Variants in EPB41L4B observed in about 807,000 individuals in gnomAD.
EPB41L4B encodes the protein erythrocyte membrane protein band 4.1 like 4B, also known as band 4.1-like protein 4B.
Under a neutral mutation model 112.5 loss-of-function variants are expected in EPB41L4B, and 30 were observed. That is an observed-to-expected ratio of 0.27 (90% confidence interval 0.20 to 0.36). The LOEUF is 0.36. Among genes scored for constraint, EPB41L4B ranks in the 10% least tolerant of loss-of-function variants. The pLI, the probability that EPB41L4B is intolerant of heterozygous loss-of-function variation, is 1.00. For missense variants in EPB41L4B, 1,024 were observed against 1,133.3 expected (o/e 0.90, Z 1.38); for synonymous variants, 408 against 439.7 (o/e 0.93, Z 0.90).
chr9:109,296,846 A>T (rs1258764071), intron 1 of EPB41L4B, among the ~76,000 whole-genome samples: 1 of 148,520 alleles, frequency 6.7e-6, no homozygotes, highest in East Asian at 2.0e-4. Context: ...CTATGATCAC[A>T]CCACTGCAGA....
chr9:109,285,379 T>A (rs555835174), intron 1 of EPB41L4B, among the ~76,000 whole-genome samples: 1 of 152,186 alleles, frequency 6.6e-6, no homozygotes, highest in South Asian at 2.1e-4. Context: ...CCTCCTGCCA[T>A]GCTAGATGCT....
chr9:109,192,427 G>T, intron 21 of EPB41L4B, 72 bp from the exon 22 acceptor site: 1 of 1,213,560 alleles, frequency 8.2e-7, no homozygotes, highest in South Asian at 1.4e-5. Flanking sequence ...AGAAAAGACA[G>T]GCAGAGGTTC....
chr9:109,270,861 G>C (rs530137367), intron 2 of EPB41L4B, among the ~76,000 whole-genome samples: 40 of 152,284 alleles, frequency 2.6e-4, no homozygotes, highest in African/African-American at 9.4e-4. Context: ...CATCACTTGA[G>C]GAACTTCGAA....
At chr9:109,214,819 G>A (rs1300572731) in intron 16 of EPB41L4B, among the ~76,000 whole-genome samples, 4 of 152,220 alleles carry the variant, frequency 2.6e-5, no homozygotes, top group Non-Finnish European at 5.9e-5. Context: ...ATCCCAGACA[G>A]TGAAGAGCTA....
intron 20 of EPB41L4B, among the ~76,000 whole-genome samples, chr9:109,195,822 T>C (rs1267458637): frequency 6.6e-6 from 1 of 152,220 alleles, no homozygotes. Flanking sequence ...CTGCCTAAAA[T>C]TGAAAAAGAC....
intron 15 of EPB41L4B, among the ~76,000 whole-genome samples, chr9:109,239,329 G>C (rs1834271598): frequency 6.6e-6 from 1 of 152,150 alleles, no homozygotes; most frequent in Non-Finnish European, 1.5e-5. Context: ...AAGTTTTGTG[G>C]GAGGAGGGTA....
intron 21 of EPB41L4B, 71 bp downstream of exon 21, chr9:109,194,149 G>A: frequency 6.6e-7 from 1 of 1,515,044 alleles, no homozygotes; most frequent in Non-Finnish European, 9.0e-7. Flanking sequence ...TGCACCAGAT[G>A]CTACTCAGTA....
intron 1 of EPB41L4B, among the ~76,000 whole-genome samples, chr9:109,301,857 C>T (rs1023597823): frequency 1.3e-5 from 2 of 152,176 alleles, no homozygotes; most frequent in Admixed American, 6.5e-5. Flanking sequence ...GAGCCATGGT[C>T]GCACCATTGT....
chr9:109,258,238 A>G lies in EPB41L4B; in HGVS notation c.691T>C (p.Phe231Leu), dbSNP rs1333283036. The G allele has an allele frequency of 6.2e-7, 1 of 1,614,006 alleles. No individual in the cohort carries two copies. The highest frequency in any genetic ancestry group is 8.5e-7 in the Non-Finnish European group (1 of 1,179,964). ...ATTGCTTCTGTCTGATTTGGAATGA[A>G]CCGAAACTCAGACACAAGCTCTGGT... ...HTPELVSEFR[F>L]IPNQTEAMEF... The change falls in exon 7 of 26, where the codon TTC becomes CTC. Residue 231 changes from phenylalanine (F) to leucine (L), a missense_variant. Physicochemically the swap from Phe to Leu is conservative, Grantham distance 22. Transcript: ENST00000374566.
At chr9:109,199,474 G>A (rs1184997229) in intron 20 of EPB41L4B, among the ~76,000 whole-genome samples, 1 of 152,124 alleles carries the variant, frequency 6.6e-6, no homozygotes, top group African/African-American at 2.4e-5. Context: ...TTCTAGACCA[G>A]CCTGGCCAAC....
At chr9:109,218,086 T>C (rs1833441227) in intron 15 of EPB41L4B, among the ~76,000 whole-genome samples, 1 of 151,756 alleles carries the variant, frequency 6.6e-6, no homozygotes, top group African/African-American at 2.4e-5. Flanking sequence ...CATGCTCTCC[T>C]TCTTCAAGGA....
chr9:109,261,424 G>C (rs917149214), intron 6 of EPB41L4B, among the ~76,000 whole-genome samples: 2 of 152,022 alleles, frequency 1.3e-5, no homozygotes, highest in African/African-American at 4.8e-5. Flanking sequence ...GTCTGGGTGA[G>C]GTTGCTCATG....
At chr9:109,203,862 A>G in intron 18 of EPB41L4B, 132 bp from the exon 19 acceptor site, 1 of 698,540 alleles carries the variant, frequency 1.4e-6, no homozygotes, top group Non-Finnish European at 2.5e-6. Flanking sequence ...CAAGTACTCA[A>G]TCAATAGAGA....
intron 15 of EPB41L4B, among the ~76,000 whole-genome samples, chr9:109,229,097 C>T (rs1833872950): frequency 6.6e-6 from 1 of 152,068 alleles, no homozygotes; most frequent in African/African-American, 2.4e-5. Context: ...AGAATATCAA[C>T]AAGAAGAAGA....
rs150945377 is a variant in EPB41L4B at position 109,266,183 on chromosome 9, G to C, written c.534-1159C>G. ...CCATAGCAGCCTAGCAGGAGCCTGG[G>C]TAACAGGGCAAAACGCTGTCTCTAT... On this transcript the variant is annotated intron_variant, in intron 4 of 25. Coordinates refer to ENST00000374566, the MANE Select transcript of EPB41L4B (RefSeq NM_019114.5). 2.0e-5 allele frequency among the ~76,000 whole-genome samples: 3 copies of C among 152,250 alleles called. No individual in the cohort carries two copies. The East Asian group carries it at 5.8e-4, about 29-fold the overall frequency.
intron 1 of EPB41L4B, among the ~76,000 whole-genome samples, chr9:109,293,935 G>T (rs1046557225): frequency 1.1e-4 from 16 of 152,012 alleles, no homozygotes; most frequent in African/African-American, 3.9e-4. Flanking sequence ...GTAGCTTCTG[G>T]TTAAACAAAC....
chr9:109,248,469 G>A (rs1214052074), intron 13 of EPB41L4B, among the ~76,000 whole-genome samples: 4 of 152,170 alleles, frequency 2.6e-5, no homozygotes, highest in East Asian at 1.9e-4. Flanking sequence ...GCTCAGGGTC[G>A]CCTGGCTGGT....
At chr9:109,218,941 T>A (rs1201395766) in intron 15 of EPB41L4B, among the ~76,000 whole-genome samples, 1 of 152,212 alleles carries the variant, frequency 6.6e-6, no homozygotes, top group Non-Finnish European at 1.5e-5. Flanking sequence ...TAGGAAGCTC[T>A]GTGATTCAGT....
In EPB41L4B at chr9:109,197,735, G is replaced by A. The variant is rs139399178; in HGVS notation, c.2045+2501C>T. On this transcript the variant is annotated intron_variant, in intron 20 of 25. Coordinates refer to ENST00000374566, the MANE Select transcript of EPB41L4B (RefSeq NM_019114.5). Reference sequence around the variant, plus strand: ...CTTGGGAGGCTGAGGCCGGAGAATCGCTTGAACCCAGGAGGCGAAGGTTGC... The same window carrying A: ...CTTGGGAGGCTGAGGCCGGAGAATCACTTGAACCCAGGAGGCGAAGGTTGC... 6.2e-3 allele frequency among the ~76,000 whole-genome samples: 929 copies of A among 150,036 alleles called. 13 individuals are homozygous for A. The highest frequency in any genetic ancestry group is 0.024 in the Middle Eastern group (7 of 286).
Sources: gnomAD v4.1 joint callset for allele counts (sites outside exome capture counted in the v4.1 genomes callset) on GRCh38, gnomAD v4.1.1 for gene constraint, MANE v1.5 for transcripts, NCBI Gene and HGNC (gene_info 2026-07-23, HGNC 2026-07-21) for gene names.